The following BEGAIN variants were observed in gnomAD, a reference collection of about 807,000 sequenced individuals.
BEGAIN encodes the protein brain-enriched guanylate kinase-associated protein.
BEGAIN carries 19 observed loss-of-function variants against 35.8 expected under a neutral mutation model. The ratio of observed to expected loss-of-function variants is 0.53; its 90% CI spans 0.37 to 0.78. The LOEUF (loss-of-function observed/expected upper bound fraction) is 0.78, where lower values mean the gene tolerates loss of function less well. Ranked by LOEUF, BEGAIN falls within the 30% of genes least tolerant of loss-of-function variation. The pLI, the probability that BEGAIN is intolerant of heterozygous loss-of-function variation, is 0.00. For synonymous variants in BEGAIN, 462 were observed against 388.6 expected (o/e 1.19, Z -2.22); for missense variants, 795 against 853.6 (o/e 0.93, Z 0.85).
Position 100,537,641 on chromosome 14 carries a change from A to T in BEGAIN, c.*328T>A, listed in dbSNP as rs2030754458. ...CCAAGGCAGCCGTCCAGGGAGCTGG[A>T]GGCCAAGTGCGTTAAGAAAGACCCT... On this transcript the variant is annotated 3_prime_UTR_variant, in exon 7 of 7. Transcript: ENST00000554140. 3.5e-6 allele frequency: 1 copy of T among 289,328 alleles called. No individual in the cohort carries two copies. The highest frequency in any genetic ancestry group is 4.8e-5 in the Admixed American group (1 of 20,878). 17.9% of individuals were successfully genotyped at this position (289,328 alleles called of 1,614,324 possible).
Position 100,537,977 on chromosome 14 carries a change from G to A in BEGAIN, c.1831C>T (p.Leu611Phe). The A allele has an allele frequency of 6.2e-7, 1 of 1,608,036 alleles. No individual in the cohort carries two copies. ...LTKAQLYGTL[L>F]N is the part of the protein sequence containing the mutation. ...GGCCTGCACGCAGGCGCTCAGTTGA[G>A]CAAGGTTCCGTAGAGCTGGGCCTTG... The change falls in exon 7 of 7, where the codon CTC becomes TTC. Residue 611 changes from leucine (L) to phenylalanine (F), a missense_variant. By Grantham distance (22) the Leu-to-Phe change is conservative (BLOSUM62 0). Around this residue, in one of 3 missense-constraint regions of BEGAIN, gnomAD observed 664 missense variants for 647.7 expected, o/e 1.03. Transcript: ENST00000554140.
rs376221488 is a variant in BEGAIN, at chr14:100,539,157, G to A, written c.651C>T (p.Arg217=). ...EKPDPASLSS[R]LSDASARDLA... ...GGTCGCGGGCGGAGGCATCGGACAG[G>A]CGGGAGGACAGGCTGGCGGGGTCCG... Residue 217 remains arginine (R), a synonymous_variant, in exon 7 of 7, where the codon CGC becomes CGT. Transcript: ENST00000554140. 6 of 1,597,266 alleles carry A rather than the reference G, an allele frequency of 3.8e-6. No individual in the cohort carries two copies. Among genetic ancestry groups the A allele is most frequent in the Non-Finnish European group, 5.1e-6 (6 of 1,169,604 alleles).
intron 2 of BEGAIN, 114 bp from the exon 3 acceptor site, chr14:100,546,776 G>GCACACACACACACA (rs1389719323): frequency 3.0e-6 from 2 of 672,582 alleles, no homozygotes; most frequent in African/African-American, 5.9e-5. Context: ...GCGCGCGCGC[G>GCACACACACACACA]CGCGCACACA....
rs1487718240 is a variant in BEGAIN at position 100,568,142 on chromosome 14, A to T, written c.43-203T>A. On this transcript the variant is annotated intron_variant, in intron 1 of 6. Transcript: ENST00000554140. This position sits in a 1 kb window ranked among gnomAD's most constrained non-coding sequence, Gnocchi z 7.5. Reference sequence around the variant, plus strand: ...GCGCGCCGGGCCGCGGCCGAGTAACAGGTGAGCCCGCCCGGGCCGCCGCGC... The same window carrying T: ...GCGCGCCGGGCCGCGGCCGAGTAACTGGTGAGCCCGCCCGGGCCGCCGCGC... 6.2e-6 allele frequency: 6 copies of T among 970,760 alleles called. 1 individual carries two copies. Among genetic ancestry groups the T allele is most frequent in the Middle Eastern group, 1.0e-3 (2 of 1,988 alleles). 60.1% of individuals were successfully genotyped at this position (970,760 alleles called of 1,614,324 possible). A position where few individuals can be genotyped will look rare whatever the true frequency, so the allele number is the denominator to read the frequency against.
chr14:100,548,401 C>T (rs555471819), intron 2 of BEGAIN: 5 of 152,324 alleles, frequency 3.3e-5, no homozygotes, highest in South Asian at 2.1e-4. Flanking sequence ...CCCCTGAAGT[C>T]GACTGTTCCC....
At position 100,546,763 on chromosome 14, in the gene BEGAIN, GGCGCGC is replaced by G. The variant is rs145452191; in HGVS notation, c.72-107_72-102del. 6,124 of 746,866 alleles carry G rather than the reference GGCGCGC, an allele frequency of 8.2e-3. 390 individuals are homozygous for G. The African/African-American group carries it at 0.12, about 15-fold the overall frequency. The allele number at this position is 746,866 out of a possible 1,614,324, so 46.3% of individuals were successfully genotyped here. On this transcript the variant is annotated intron_variant, in intron 2 of 6. Transcript: ENST00000554140. Reference sequence around the variant, plus strand: ...CGTGCCGCACTAACACGCGAGTACCGGCGCGCGCGCGCGCGCGCACACACACACACA... The same window carrying G: ...CGTGCCGCACTAACACGCGAGTACCGGCGCGCGCGCGCACACACACACACA...
At chr14:100,577,884 G>C in intron 1 of BEGAIN, 2 of 399,264 alleles carry the variant, frequency 5.0e-6, no homozygotes, top group Non-Finnish European at 8.8e-6. Context: ...CCAGGAGGGA[G>C]CTGTAGCCGT....
At chr14:100,577,031 G>A (rs751134162) in intron 1 of BEGAIN, among the ~76,000 whole-genome samples, 1 of 152,190 alleles carries the variant, frequency 6.6e-6, no homozygotes, top group Non-Finnish European at 1.5e-5. Context: ...GGATAATCAC[G>A]GGAAAGCCCA....
intron 1 of BEGAIN, among the ~76,000 whole-genome samples, chr14:100,582,714 G>A (rs1299972484): frequency 6.6e-6 from 1 of 152,124 alleles, no homozygotes; most frequent in African/African-American, 2.4e-5. Context: ...AACCCCGGCT[G>A]GCCGCTGACC....
intron 4 of BEGAIN, 151 bp downstream of exon 4, chr14:100,544,849 A>G: frequency 3.6e-6 from 3 of 834,992 alleles, no homozygotes; most frequent in East Asian, 5.0e-5. Flanking sequence ...GCCTGAGAGC[A>G]CACACCCTGC....
intron 4 of BEGAIN, among the ~76,000 whole-genome samples, chr14:100,544,787 G>A (rs2032148392): frequency 6.6e-6 from 1 of 152,044 alleles, no homozygotes. Flanking sequence ...TGGAGTGCTC[G>A]CACCCGCCAC....
At position 100,538,239 on chromosome 14, in the gene BEGAIN, G is replaced by T; in HGVS notation, c.1569C>A (p.Gly523=). ...RAGGDLSLSP[G]RSADPLPGYA... ...AGCCGGGCAGTGGGTCAGCCGAGCGGCCGGGACTGAGGCTCAGGTCGCCGC... is the reference window on the plus strand; with the variant it reads ...AGCCGGGCAGTGGGTCAGCCGAGCGTCCGGGACTGAGGCTCAGGTCGCCGC... Residue 523 remains glycine (G), a synonymous_variant, in exon 7 of 7, where the codon GGC becomes GGA. Transcript: ENST00000554140. The T allele has an allele frequency of 6.4e-7, 1 of 1,570,262 alleles. No homozygotes were observed.
chr14:100,555,131 C>T (rs957349917), intron 2 of BEGAIN, among the ~76,000 whole-genome samples: 2 of 152,270 alleles, frequency 1.3e-5, no homozygotes, highest in East Asian at 3.8e-4. Context: ...ACATCAGACC[C>T]TTGGGATGCC....
chr14:100,585,917 C>T (rs1341086943), intron 1 of BEGAIN, among the ~76,000 whole-genome samples: 1 of 152,272 alleles, frequency 6.6e-6, no homozygotes, highest in Non-Finnish European at 1.5e-5. Context: ...GTGCTGAGCC[C>T]GGGCAGAGCC....
chr14:100,556,687 C>T (rs756929460), intron 2 of BEGAIN, among the ~76,000 whole-genome samples: 37 of 152,214 alleles, frequency 2.4e-4, no homozygotes, highest in Admixed American at 1.2e-3. Context: ...TGTCTCCTCC[C>T]AGTCAGGGAC....
chr14:100,575,560 A>T (rs1566981479), intron 1 of BEGAIN, among the ~76,000 whole-genome samples: 2 of 152,218 alleles, frequency 1.3e-5, no homozygotes, highest in Middle Eastern at 3.4e-3. Context: ...TCACTTTCTC[A>T]GGCTTGCTGT....
At position 100,558,385 on chromosome 14, in the gene BEGAIN, G is replaced by A. The variant is rs533263712; in HGVS notation, c.71+9526C>T. Among the ~76,000 whole-genome samples the A allele has an allele frequency of 2.0e-4, 30 of 152,182 alleles. No individual in the cohort carries two copies. Among genetic ancestry groups the A allele is most frequent in the Admixed American group, 9.8e-4 (15 of 15,294 alleles). On this transcript the variant is annotated intron_variant, in intron 2 of 6. Transcript: ENST00000554140. The surrounding 1 kb of genome is among the most constrained non-coding windows in gnomAD (Gnocchi z 4.6). ...ACCTCCCACCCTCACTGCGCTCTCC[G>A]GCTGCCCCTTCTCAGGCTCCTCTGT...
rs145934627 is a variant in BEGAIN, at chr14:100,576,047, T to A, written c.43-8108A>T. 9.6e-3 allele frequency among the ~76,000 whole-genome samples: 1,454 copies of A among 152,194 alleles called. 9 individuals are homozygous for A. The highest frequency in any genetic ancestry group is 0.016 in the Non-Finnish European group (1,070 of 67,992). The stretch of plus-strand genomic sequence containing the variant: ...AATGCTTATTAGGTGCCTGTGGTCA[T>A]GACTGACTTTTCACTGCTGGGGAAA... On this transcript the variant is annotated intron_variant, in intron 1 of 6. Transcript: ENST00000554140.
chr14:100,539,004 C>G lies in BEGAIN; in HGVS notation c.804G>C (p.Ala268=), dbSNP rs767455761. 2.5e-6 allele frequency: 4 copies of G among 1,610,432 alleles called. No individual in the cohort carries two copies. The highest frequency in any genetic ancestry group is 1.7e-6 in the Non-Finnish European group (2 of 1,178,962). ...GCAGGAAGCCCACGTCGGTCACGGG[C>G]GCGTCCACGCTAGGCCGCCGGTCTC... ...RRRDRRPSVD[A]PVTDVGFLRA... The change falls in exon 7 of 7, where the codon GCG becomes GCC. Residue 268 remains alanine (A), a synonymous_variant. Coordinates refer to ENST00000554140, the MANE Select transcript of BEGAIN (RefSeq NM_001385089.1).
Sources: gnomAD v4.1 joint callset for allele counts (sites outside exome capture counted in the v4.1 genomes callset) on GRCh38, gnomAD v4.1.1 for gene constraint, gnomAD v4.1.1 regional missense constraint, Gnocchi (gnomAD v3.1) non-coding constraint, MANE v1.5 for transcripts, NCBI Gene and HGNC (gene_info 2026-07-23, HGNC 2026-07-21) for gene names.